ENTREP2: variants seen among roughly 807,000 people sequenced by gnomAD.
The protein encoded by ENTREP2 is protein ENTREP2.
the ENTREP2 span, among the ~76,000 whole-genome samples, chr15:29,139,323 T>C: frequency 6.6e-6 from 1 of 152,218 alleles, no homozygotes; most frequent in Admixed American, 6.5e-5. Flanking sequence ...GTGTGTTTAA[T>C]TGTCCGAAAC....
chr15:29,355,093 C>T, the ENTREP2 span, among the ~76,000 whole-genome samples: 2 of 152,124 alleles, frequency 1.3e-5, no homozygotes, highest in Non-Finnish European at 1.5e-5. Flanking sequence ...AAAGGCCACC[C>T]CTGTCTCAGG....
At chr15:29,507,198 A>T in the ENTREP2 span, among the ~76,000 whole-genome samples, 1 of 152,224 alleles carries the variant, frequency 6.6e-6, no homozygotes, top group East Asian at 1.9e-4. Context: ...ATGCAACAAG[A>T]AGAGCTAACT....
At chr15:29,401,557 G>A in the ENTREP2 span, among the ~76,000 whole-genome samples, 2 of 152,172 alleles carry the variant, frequency 1.3e-5, no homozygotes, top group Admixed American at 6.5e-5. Context: ...CATTTCTTAT[G>A]TTGGCATAAT....
At chr15:29,590,161 G>T in the ENTREP2 span, among the ~76,000 whole-genome samples, 2 of 152,146 alleles carry the variant, frequency 1.3e-5, no homozygotes, top group South Asian at 2.1e-4. Context: ...AGGCCTCAGG[G>T]GGTCTCAGAG....
At chr15:29,128,621 G>GT in the ENTREP2 span, among the ~76,000 whole-genome samples, 1 of 152,070 alleles carries the variant, frequency 6.6e-6, no homozygotes, top group African/African-American at 2.4e-5. Flanking sequence ...GATATACAGG[G>GT]TATTTAATGG....
chr15:29,218,358 T>C, the ENTREP2 span, among the ~76,000 whole-genome samples: 5 of 152,012 alleles, frequency 3.3e-5, no homozygotes, highest in African/African-American at 1.2e-4. Context: ...CATGGATGGG[T>C]AGAATCAATA....
At chr15:29,246,973 GCACACACA>G in the ENTREP2 span, among the ~76,000 whole-genome samples, 2,810 of 137,080 alleles carry the variant, frequency 0.02, 93 homozygotes, top group African/African-American at 0.071. Context: ...GACTGGAAAG[GCACACACA>G]CACACACACA....
At chr15:29,660,576 C>A in the ENTREP2 span, among the ~76,000 whole-genome samples, 1 of 152,132 alleles carries the variant, frequency 6.6e-6, no homozygotes, top group African/African-American at 2.4e-5. Flanking sequence ...GGTTTCGAAC[C>A]ATGTGACTAT....
the ENTREP2 span, among the ~76,000 whole-genome samples, chr15:29,660,791 G>C: frequency 6.6e-6 from 1 of 152,142 alleles, no homozygotes; most frequent in Non-Finnish European, 1.5e-5. Context: ...TTTGAACTGC[G>C]TGGGTCCACT....
chr15:29,284,588 C>G, the ENTREP2 span, among the ~76,000 whole-genome samples: 1 of 148,746 alleles, frequency 6.7e-6, no homozygotes, highest in Non-Finnish European at 1.5e-5. Flanking sequence ...AAATAAATAA[C>G]CAGTCTAATA....
the ENTREP2 span, among the ~76,000 whole-genome samples, chr15:29,156,954 G>A: frequency 3.3e-5 from 5 of 152,218 alleles, no homozygotes; most frequent in East Asian, 3.9e-4. Flanking sequence ...AAAATTAGCC[G>A]GGAGAGGTGG....
the ENTREP2 span, among the ~76,000 whole-genome samples, chr15:29,646,397 T>C: frequency 6.6e-6 from 1 of 152,168 alleles, no homozygotes; most frequent in Non-Finnish European, 1.5e-5. Context: ...TCCATACAGT[T>C]GTAGGACTGG....
At chr15:29,636,519 A>G in the ENTREP2 span, among the ~76,000 whole-genome samples, 2 of 152,366 alleles carry the variant, frequency 1.3e-5, no homozygotes, top group Middle Eastern at 6.8e-3. Flanking sequence ...ATTGGTTGCT[A>G]CAAGCCACTG....
the ENTREP2 span, among the ~76,000 whole-genome samples, chr15:29,631,078 A>C: frequency 3.3e-3 from 496 of 152,224 alleles, 3 homozygotes; most frequent in African/African-American, 0.011. Flanking sequence ...TGTTTCTTTC[A>C]GTTCCTGTAT....
At chr15:29,209,467 A>G in the ENTREP2 span, among the ~76,000 whole-genome samples, 1 of 152,086 alleles carries the variant, frequency 6.6e-6, no homozygotes, top group Non-Finnish European at 1.5e-5. Context: ...ACCCCACTGC[A>G]CTCCAGCCTG....
At chr15:29,370,155 T>C in the ENTREP2 span, among the ~76,000 whole-genome samples, 4 of 152,006 alleles carry the variant, frequency 2.6e-5, no homozygotes, top group African/African-American at 4.8e-5. Context: ...TCATCAGCAA[T>C]TACATTAAAA....
the ENTREP2 span, chr15:29,375,508 A>T: frequency 6.6e-6 from 1 of 152,296 alleles, no homozygotes; most frequent in Non-Finnish European, 1.5e-5. Flanking sequence ...CAGGACTGCC[A>T]GGCTCTTCCC....
the ENTREP2 span, among the ~76,000 whole-genome samples, chr15:29,581,580 A>T: frequency 3.9e-5 from 6 of 152,180 alleles, no homozygotes; most frequent in African/African-American, 1.4e-4. Flanking sequence ...GAAATTTTTA[A>T]AAAACTCCTA....
At chr15:29,583,180 G>A in the ENTREP2 span, among the ~76,000 whole-genome samples, 2 of 152,008 alleles carry the variant, frequency 1.3e-5, no homozygotes, top group Non-Finnish European at 2.9e-5. Flanking sequence ...GCATTTTAAG[G>A]AAAATCAAGT....
Sources: allele counts gnomAD v4.1 joint callset (sites outside exome capture counted in the v4.1 genomes callset), GRCh38; gene constraint gnomAD v4.1.1; transcripts MANE v1.5; gene names NCBI Gene and HGNC (gene_info 2026-07-23, HGNC 2026-07-21).